The following MYO3B variants were observed in gnomAD, a reference collection of about 807,000 sequenced individuals.
MYO3B encodes the protein myosin IIIB.
MYO3B carries 156 observed loss-of-function variants against 174.6 expected under a neutral mutation model. The ratio of observed to expected loss-of-function variants is 0.89; its 90% CI spans 0.78 to 1.02. The LOEUF (loss-of-function observed/expected upper bound fraction) is 1.02. Among genes scored for constraint, MYO3B ranks in the 50% least tolerant of loss-of-function variants. MYO3B has a pLI of 0.00. For missense variants in MYO3B, 1,632 were observed against 1,639.4 expected, an observed-to-expected ratio of 1.00 and a Z score of 0.08; for synonymous variants, 563 against 569.1, an observed-to-expected ratio of 0.99 and a Z score of 0.15.
chr2:170,245,166 T>C (rs2093175928), intron 7 of MYO3B, among the ~76,000 whole-genome samples: 1 of 152,180 alleles, frequency 6.6e-6, no homozygotes, highest in African/African-American at 2.4e-5. Context: ...TCTGTCACAT[T>C]CAAGGAAGGG....
chr2:170,459,037 G>C (rs1017881480), intron 23 of MYO3B, among the ~76,000 whole-genome samples: 1 of 152,160 alleles, frequency 6.6e-6, no homozygotes, highest in Non-Finnish European at 1.5e-5. Flanking sequence ...CCTCCCGGTG[G>C]GTTTGTGGTC....
chr2:170,466,141 C>T (rs1343543683), intron 24 of MYO3B, among the ~76,000 whole-genome samples: 2 of 152,206 alleles, frequency 1.3e-5, no homozygotes, highest in Admixed American at 6.5e-5. Context: ...CAAATAGCCC[C>T]TTCCTCAAAA....
chr2:170,329,945 CAA>C (rs757498662), intron 7 of MYO3B, among the ~76,000 whole-genome samples: 13 of 152,112 alleles, frequency 8.5e-5, no homozygotes, highest in Non-Finnish European at 1.9e-4. Flanking sequence ...TAATTACACT[CAA>C]ATGTCTTGCT....
At chr2:170,617,622 T>A (rs529764359) in intron 32 of MYO3B, among the ~76,000 whole-genome samples, 180 of 152,308 alleles carry the variant, frequency 1.2e-3, no homozygotes, top group African/African-American at 4.2e-3. Flanking sequence ...TCAGGTCCTA[T>A]GTGGGGAACA....
chr2:170,275,021 C>G (rs1354782116), intron 7 of MYO3B, among the ~76,000 whole-genome samples: 2 of 152,106 alleles, frequency 1.3e-5, no homozygotes, highest in African/African-American at 4.8e-5. Context: ...TACTATTTCT[C>G]TACTTTCCAG....
At chr2:170,355,437 C>T (rs2094112913) in intron 8 of MYO3B, among the ~76,000 whole-genome samples, 2 of 152,196 alleles carry the variant, frequency 1.3e-5, no homozygotes, top group Admixed American at 1.3e-4. Context: ...GACACAATGC[C>T]AGTACGACTA....
At chr2:170,275,867 C>G (rs1210957978) in intron 7 of MYO3B, among the ~76,000 whole-genome samples, 3 of 152,008 alleles carry the variant, frequency 2.0e-5, no homozygotes, top group African/African-American at 7.2e-5. Context: ...AAAATAAAAA[C>G]AAGCAACTCT....
At chr2:170,392,945 TCA>T (rs1365569531) in intron 16 of MYO3B, among the ~76,000 whole-genome samples, 1 of 151,704 alleles carries the variant, frequency 6.6e-6, no homozygotes, top group Admixed American at 6.6e-5. Flanking sequence ...GACACCCAAG[TCA>T]CAGAAATATA....
At chr2:170,463,723 A>T (rs1309987969) in intron 24 of MYO3B, among the ~76,000 whole-genome samples, 1 of 152,004 alleles carries the variant, frequency 6.6e-6, no homozygotes, top group East Asian at 1.9e-4. Flanking sequence ...AGTAGTTAAT[A>T]AAGTTCCAGA....
chr2:170,324,325 T>C (rs2105504380), intron 7 of MYO3B, among the ~76,000 whole-genome samples: 1 of 152,368 alleles, frequency 6.6e-6, no homozygotes, highest in African/African-American at 2.4e-5. Context: ...TACAAAAGGA[T>C]GCCTCACAGA....
rs911479805 is a variant in MYO3B, at chr2:170,499,572, T to C, written c.3127-74T>C. ...ATATCATTGTTTTAATATTTTCATT[T>C]AGAATATGCTGTAGTAGAGTGAATT... On this transcript the variant is annotated intron_variant, in intron 26 of 34. Transcript: ENST00000408978. 5 of 1,331,818 alleles carry C rather than the reference T, an allele frequency of 3.8e-6. No homozygotes were observed. In the South Asian group the frequency reaches 3.9e-5, roughly 10 times the overall value. The allele number at this position is 1,331,818 out of a possible 1,614,324, so 82.5% of individuals were successfully genotyped here. A position where few individuals can be genotyped will look rare whatever the true frequency, so the allele number is the denominator to read the frequency against.
intron 22 of MYO3B, among the ~76,000 whole-genome samples, chr2:170,419,143 A>G (rs985487305): frequency 2.0e-5 from 3 of 152,260 alleles, no homozygotes; most frequent in African/African-American, 7.2e-5. Context: ...CAGTCTGGCA[A>G]GGGATCATAT....
intron 7 of MYO3B, among the ~76,000 whole-genome samples, chr2:170,298,836 T>C (rs750531082): frequency 3.9e-5 from 6 of 152,108 alleles, no homozygotes; most frequent in Non-Finnish European, 8.8e-5. Context: ...AGACCACATA[T>C]ATGACAGTGG....
chr2:170,531,491 T>C (rs925567898), intron 30 of MYO3B, among the ~76,000 whole-genome samples: 8 of 152,168 alleles, frequency 5.3e-5, no homozygotes, highest in African/African-American at 1.7e-4. Context: ...AATAGCACAA[T>C]ATCTACCTCA....
At chr2:170,465,198 G>T (rs1421206531) in intron 24 of MYO3B, among the ~76,000 whole-genome samples, 1 of 152,088 alleles carries the variant, frequency 6.6e-6, no homozygotes, top group African/African-American at 2.4e-5. Context: ...ATAAAGAAAA[G>T]AGGTTTATTG....
chr2:170,200,276 G>T lies in MYO3B; in HGVS notation c.313G>T (p.Val105Phe). 1.9e-6 allele frequency: 3 copies of T among 1,610,394 alleles called. No homozygotes were observed. The highest frequency in any genetic ancestry group is 2.2e-5 in the South Asian group (2 of 90,350). The stretch of plus-strand genomic sequence containing the variant: ...CTGTGTAGGGGGACAGCTGTGGCTG[G>T]TCCTGGAGGTAAGAGGCTCCCATTG... The part of the protein sequence containing the change: ...DHCVGGQLWL[V>F]LELCNGGSVT... The change falls in exon 3 of 35, where the codon GTC (valine) becomes TTC (phenylalanine). Residue 105 changes from valine (V) to phenylalanine (F), a missense_variant. By Grantham distance (50) the Val-to-Phe change is conservative (BLOSUM62 -1). Coordinates refer to ENST00000408978, the MANE Select transcript of MYO3B (RefSeq NM_138995.5).
At chr2:170,401,809 T>C (rs2094478832) in intron 18 of MYO3B, 118 bp downstream of exon 18, 3 of 1,007,510 alleles carry the variant, frequency 3.0e-6, no homozygotes, top group Non-Finnish European at 4.2e-6. Flanking sequence ...TTTCTTTTTT[T>C]TTTTTTTTGT....
chr2:170,405,274 G>A (rs1396714514), intron 20 of MYO3B, among the ~76,000 whole-genome samples: 1 of 152,186 alleles, frequency 6.6e-6, no homozygotes, highest in Non-Finnish European at 1.5e-5. Context: ...AGGGCCTCTG[G>A]TGTCATCAGT....
intron 7 of MYO3B, among the ~76,000 whole-genome samples, chr2:170,240,069 C>T (rs1327572233): frequency 6.6e-6 from 1 of 152,106 alleles, no homozygotes; most frequent in African/African-American, 2.4e-5. Context: ...CTTTTCTGGT[C>T]TCATATAAGG....
Sources: gnomAD v4.1 joint callset for allele counts (sites outside exome capture counted in the v4.1 genomes callset) on GRCh38, gnomAD v4.1.1 for gene constraint, MANE v1.5 for transcripts, NCBI Gene and HGNC (gene_info 2026-07-23, HGNC 2026-07-21) for gene names.